Variants in CLPB observed in about 807,000 individuals in gnomAD.
CLPB encodes ClpB family mitochondrial disaggregase, also known as mitochondrial disaggregase.
A neutral mutation model predicts 78.4 loss-of-function variants in CLPB; 40 were observed. The observed-to-expected ratio is 0.51, with a 90% CI of 0.40 to 0.66. The LOEUF (loss-of-function observed/expected upper bound fraction) is 0.66, where lower values mean the gene tolerates loss of function less well. CLPB is among the 30% of genes least tolerant of loss of function. The pLI, the probability that CLPB is intolerant of heterozygous loss-of-function variation, is 0.00. For synonymous variants in CLPB, 333 were observed against 348.0 expected (o/e 0.96, Z 0.48); for missense variants, 780 against 886.9 (o/e 0.88, Z 1.53).
intron 3 of CLPB, among the ~76,000 whole-genome samples, chr11:72,397,233 T>C (rs935176704): frequency 1.3e-5 from 2 of 152,244 alleles, no homozygotes; most frequent in Non-Finnish European, 2.9e-5. Flanking sequence ...TTGGCTGTTT[T>C]TACCGTATGG....
At chr11:72,314,256 C>T (rs539089179) in intron 7 of CLPB, among the ~76,000 whole-genome samples, 26 of 152,248 alleles carry the variant, frequency 1.7e-4, no homozygotes, top group East Asian at 5.8e-4. Context: ...ACTAGGTGGA[C>T]GGAAGCTCGG....
intron 4 of CLPB, 52 bp downstream of exon 4, chr11:72,380,229 A>C: frequency 7.2e-7 from 1 of 1,380,178 alleles, no homozygotes; most frequent in East Asian, 2.3e-5. Flanking sequence ...GCAAGGCTGC[A>C]TGAAAGCCAC....
intron 4 of CLPB, among the ~76,000 whole-genome samples, chr11:72,374,862 T>C (rs1854636334): frequency 6.6e-6 from 1 of 152,214 alleles, no homozygotes; most frequent in African/African-American, 2.4e-5. Flanking sequence ...AATCCTTTCT[T>C]TGGGCAATTT....
intron 11 of CLPB, among the ~76,000 whole-genome samples, chr11:72,297,547 C>A (rs559566244): frequency 2.0e-5 from 3 of 152,202 alleles, no homozygotes; most frequent in South Asian, 4.1e-4. Flanking sequence ...TGTCCTTGAG[C>A]TTTTACCAGC....
intron 3 of CLPB, among the ~76,000 whole-genome samples, chr11:72,400,818 T>C (rs529938951): frequency 6.6e-6 from 1 of 152,338 alleles, no homozygotes; most frequent in South Asian, 2.1e-4. Context: ...GAGGATCTAC[T>C]ATGCTGCCAC....
At chr11:72,380,149 C>T in intron 4 of CLPB, 132 bp downstream of exon 4, 1 of 688,642 alleles carries the variant, frequency 1.5e-6, no homozygotes, top group Non-Finnish European at 2.6e-6. Context: ...TTTGGGGTCT[C>T]CATGAGTCCA....
chr11:72,310,608 G>A (rs529299836), intron 7 of CLPB, among the ~76,000 whole-genome samples: 3 of 152,336 alleles, frequency 2.0e-5, no homozygotes, highest in East Asian at 1.9e-4. Flanking sequence ...ATGTGTGTAC[G>A]TGTTAGGGCA....
intron 3 of CLPB, among the ~76,000 whole-genome samples, chr11:72,382,632 C>A (rs1053833497): frequency 2.6e-5 from 4 of 152,220 alleles, no homozygotes; most frequent in Admixed American, 2.6e-4. Flanking sequence ...GGCCAGCCTG[C>A]CTAAGGACTT....
chr11:72,346,587 TA>T (rs574175469), intron 5 of CLPB, among the ~76,000 whole-genome samples: 4,954 of 142,726 alleles, frequency 0.035, 195 homozygotes, highest in African/African-American at 0.1. Flanking sequence ...TGCTATATGT[TA>T]AAAAAAAAAA....
chr11:72,406,521 C>G (rs1855714892), intron 2 of CLPB, among the ~76,000 whole-genome samples: 1 of 152,198 alleles, frequency 6.6e-6, no homozygotes, highest in South Asian at 2.1e-4. Context: ...ATAATAATCT[C>G]TAAGTTGCAA....
At chr11:72,379,231 T>C (rs987497817) in intron 4 of CLPB, among the ~76,000 whole-genome samples, 2 of 152,122 alleles carry the variant, frequency 1.3e-5, no homozygotes, top group African/African-American at 4.8e-5. Context: ...AGCGTCAATA[T>C]TCTGGCTCTC....
chr11:72,367,682 C>T (rs1249545700), intron 4 of CLPB, among the ~76,000 whole-genome samples: 1 of 151,904 alleles, frequency 6.6e-6, no homozygotes, highest in Admixed American at 6.6e-5. Context: ...GTGATGGGAT[C>T]AATTATACAC....
chr11:72,295,775 C>T (rs898838434), intron 11 of CLPB, 127 bp from the exon 12 acceptor site: 28 of 857,784 alleles, frequency 3.3e-5, no homozygotes, highest in Non-Finnish European at 4.7e-5. Flanking sequence ...GCCCCAGCAG[C>T]CAGCTGCTTC....
At chr11:72,404,199 G>A (rs149874311) in intron 2 of CLPB, among the ~76,000 whole-genome samples, 30 of 152,278 alleles carry the variant, frequency 2.0e-4, no homozygotes, top group Admixed American at 7.2e-4. Context: ...CATGCACTTG[G>A]TCCCCTGCTA....
chr11:72,430,559 A>C (rs967681107), intron 1 of CLPB, 196 bp from the exon 2 acceptor site: 1 of 575,596 alleles, frequency 1.7e-6, no homozygotes, highest in Non-Finnish European at 3.1e-6. Context: ...TGACTTCCAC[A>C]CCTTTCTACT....
chr11:72,337,953 G>A (rs1213895866), intron 5 of CLPB, among the ~76,000 whole-genome samples: 1 of 152,134 alleles, frequency 6.6e-6, no homozygotes, highest in African/African-American at 2.4e-5. Context: ...CTCTCAGAAG[G>A]TCATCCACAA....
intron 2 of CLPB, among the ~76,000 whole-genome samples, chr11:72,422,618 G>C (rs1371714835): frequency 6.6e-6 from 1 of 152,200 alleles, no homozygotes; most frequent in Non-Finnish European, 1.5e-5. Flanking sequence ...CTAGGATAAA[G>C]CTTGTGTTTC....
intron 3 of CLPB, among the ~76,000 whole-genome samples, chr11:72,384,652 T>A (rs2135025574): frequency 6.6e-6 from 1 of 152,204 alleles, no homozygotes; most frequent in South Asian, 2.1e-4. Context: ...TACAAGAGAC[T>A]CACTTTACCT....
intron 3 of CLPB, among the ~76,000 whole-genome samples, chr11:72,387,633 G>A (rs1256147456): frequency 1.3e-5 from 2 of 151,218 alleles, no homozygotes; most frequent in East Asian, 1.9e-4. Context: ...TTATAAGTAC[G>A]TAAAACTCCA....
Sources: allele counts gnomAD v4.1 joint callset (sites outside exome capture counted in the v4.1 genomes callset), GRCh38; gene constraint gnomAD v4.1.1; transcripts MANE v1.5; gene names NCBI Gene and HGNC (gene_info 2026-07-23, HGNC 2026-07-21).